Variants in LRCH2 observed in about 807,000 individuals in gnomAD.
LRCH2 encodes leucine-rich repeat and calponin homology domain-containing protein 2.
LRCH2 carries 38 observed loss-of-function variants against 68.9 expected under a neutral mutation model. The observed-to-expected ratio is 0.55, with a 90% CI of 0.43 to 0.72. The LOEUF (loss-of-function observed/expected upper bound fraction) is 0.72. Ranked by LOEUF, LRCH2 falls within the 30% of genes least tolerant of loss-of-function variation. LRCH2 has a pLI of 0.00. For synonymous variants in LRCH2, 191 were observed against 208.1 expected, an observed-to-expected ratio of 0.92 and a Z score of 0.71; for missense variants, 528 against 572.9, an observed-to-expected ratio of 0.92 and a Z score of 0.80.
intron 1 of LRCH2, among the ~76,000 whole-genome samples, chrX:115,212,023 G>T (rs782561855): frequency 2.7e-5 from 3 of 112,111 alleles, no homozygotes; most frequent in Admixed American, 9.4e-5. Context: ...GTCTAAAGGA[G>T]GATAACATCT....
At chrX:115,192,457 G>T in intron 1 of LRCH2, 1 of 1,169,483 alleles carries the variant, frequency 8.6e-7, no homozygotes, top group Non-Finnish European at 1.1e-6. Context: ...CAACAGTTAC[G>T]GCCGGAGCGA....
At chrX:115,126,069 G>A (rs1448123850) in intron 16 of LRCH2, among the ~76,000 whole-genome samples, 1 of 111,021 alleles carries the variant, frequency 9.0e-6, no homozygotes, top group Non-Finnish European at 1.9e-5. Flanking sequence ...GTGAATTTGG[G>A]CCATCCAACA....
At chrX:115,184,875 C>A (rs1258017997) in intron 2 of LRCH2, among the ~76,000 whole-genome samples, 2 of 112,043 alleles carry the variant, frequency 1.8e-5, no homozygotes, top group African/African-American at 6.5e-5. Context: ...CTACTCCACA[C>A]ACCATCAGTT....
chrX:115,118,636 GAA>G (rs2072106109), intron 20 of LRCH2, among the ~76,000 whole-genome samples: 1 of 111,058 alleles, frequency 9.0e-6, no homozygotes, highest in Admixed American at 9.6e-5. Context: ...CCAATCAATA[GAA>G]AAAGAGGGAA....
chrX:115,152,016 GA>G (rs1556538455), intron 12 of LRCH2, among the ~76,000 whole-genome samples: 1 of 111,434 alleles, frequency 9.0e-6, no homozygotes, highest in Non-Finnish European at 1.9e-5. Context: ...TGAGCGTACT[GA>G]TCATTGAACA....
intron 1 of LRCH2, among the ~76,000 whole-genome samples, chrX:115,206,109 C>G (rs1556567932): frequency 8.9e-6 from 1 of 111,741 alleles, no homozygotes; most frequent in African/African-American, 3.3e-5. Flanking sequence ...GTTCGTTCCC[C>G]TCCAAATAAA....
chrX:115,132,601 A>G (rs1375743778), intron 14 of LRCH2, among the ~76,000 whole-genome samples: 1 of 111,851 alleles, frequency 8.9e-6, no homozygotes, highest in Non-Finnish European at 1.9e-5. Flanking sequence ...AATAAATACA[A>G]AACGTATTCT....
At chrX:115,114,924 T>C (rs1428483277) in intron 20 of LRCH2, among the ~76,000 whole-genome samples, 1 of 110,350 alleles carries the variant, frequency 9.1e-6, no homozygotes, top group Non-Finnish European at 1.9e-5. Flanking sequence ...AATAAAAAAT[T>C]GACAGTGGAA....
At chrX:115,198,022 C>A (rs2072903304) in intron 1 of LRCH2, among the ~76,000 whole-genome samples, 1 of 55,784 alleles carries the variant, frequency 1.8e-5, no homozygotes, top group African/African-American at 7.5e-5. Context: ...AAAGAATGAA[C>A]AAAGCTTTTT....
At chrX:115,191,816 G>A (rs782309880) in intron 1 of LRCH2, 44 of 1,152,251 alleles carry the variant, frequency 3.8e-5, no homozygotes, top group Non-Finnish European at 5.1e-5. Flanking sequence ...GCCAACAGCG[G>A]AGGCCGCTCA....
At chrX:115,172,917 G>C (rs1234909188) in intron 5 of LRCH2, among the ~76,000 whole-genome samples, 1 of 109,990 alleles carries the variant, frequency 9.1e-6, no homozygotes, top group Non-Finnish European at 1.9e-5. Flanking sequence ...TCCTAAGAAA[G>C]GGTACATGGG....
chrX:115,176,849 C>T (rs1368988080), intron 5 of LRCH2, among the ~76,000 whole-genome samples: 2 of 106,050 alleles, frequency 1.9e-5, no homozygotes, highest in Non-Finnish European at 1.9e-5. Context: ...AAGGATCAAG[C>T]GATTCTCGTG....
At chrX:115,146,788 T>G (rs2072386333) in intron 14 of LRCH2, among the ~76,000 whole-genome samples, 1 of 109,313 alleles carries the variant, frequency 9.1e-6, no homozygotes, top group African/African-American at 3.3e-5. Flanking sequence ...CTTGCTCACA[T>G]AATCTAGCCA....
At chrX:115,157,674 T>C (rs2072486401) in intron 11 of LRCH2, among the ~76,000 whole-genome samples, 1 of 109,010 alleles carries the variant, frequency 9.2e-6, no homozygotes, top group African/African-American at 3.3e-5. Flanking sequence ...TGCATTAAAA[T>C]TGCCTTAAAT....
At chrX:115,194,870 G>T (rs148333371) in intron 1 of LRCH2, among the ~76,000 whole-genome samples, 129 of 111,243 alleles carry the variant, frequency 1.2e-3, no homozygotes, top group African/African-American at 3.9e-3. Flanking sequence ...TGCAATGAAG[G>T]GTTCAAGTTT....
chrX:115,201,740 C>T (rs1420941235), intron 1 of LRCH2, among the ~76,000 whole-genome samples: 33 of 111,702 alleles, frequency 3.0e-4, no homozygotes, highest in African/African-American at 9.8e-4. Flanking sequence ...AGATTGCTGA[C>T]GATATCATCT....
intron 1 of LRCH2, among the ~76,000 whole-genome samples, chrX:115,197,102 T>C (rs1293076390): frequency 1.8e-5 from 2 of 111,088 alleles, no homozygotes; most frequent in African/African-American, 6.6e-5. Context: ...CCAGAAGGCC[T>C]TACCCAACGA....
chrX:115,215,470 G>C (rs1556571200), intron 1 of LRCH2, among the ~76,000 whole-genome samples: 2 of 110,908 alleles, frequency 1.8e-5, no homozygotes, highest in African/African-American at 6.6e-5. Flanking sequence ...AATTTGGCCA[G>C]GTGCAGTGGC....
At chrX:115,130,708 T>C (rs73222995) in intron 14 of LRCH2, among the ~76,000 whole-genome samples, 13,450 of 111,307 alleles carry the variant, frequency 0.12, 783 homozygotes, top group Middle Eastern at 0.21. Context: ...AATGTATATA[T>C]TGATTGTTCA....
Sources: gnomAD v4.1 joint callset for allele counts (sites outside exome capture counted in the v4.1 genomes callset) on GRCh38, gnomAD v4.1.1 for gene constraint, MANE v1.5 for transcripts, NCBI Gene and HGNC (gene_info 2026-07-23, HGNC 2026-07-21) for gene names.